The following NOTCH3 variants were observed in gnomAD, a reference collection of about 807,000 sequenced individuals.
The protein encoded by NOTCH3 is notch receptor 3.
In NOTCH3, 86 loss-of-function variants were observed where a neutral mutation model predicts 213.3. That is an observed-to-expected ratio of 0.40 (90% CI 0.34 to 0.48). The LOEUF (loss-of-function observed/expected upper bound fraction) is 0.48, where lower values mean the gene tolerates loss of function less well. Ranked by LOEUF, NOTCH3 falls within the 20% of genes least tolerant of loss-of-function variation. NOTCH3 has a pLI of 0.57. For synonymous variants in NOTCH3, 1,354 were observed against 1,355.9 expected (o/e 1.00, Z 0.03); for missense variants, 2,783 against 3,272.6 (o/e 0.85, Z 3.65).
rs2145415502 is a variant in NOTCH3 at position 15,177,971 on chromosome 19, C to A, written c.3957G>T (p.Leu1319Phe). 1 of 1,366,752 alleles carries A rather than the reference C, an allele frequency of 7.3e-7. No individual in the cohort carries two copies. The highest frequency in any genetic ancestry group is 9.4e-7 in the Non-Finnish European group (1 of 1,060,902). The allele number at this position is 1,366,752 out of a possible 1,614,324, so 84.7% of individuals were successfully genotyped here. A position where few individuals can be genotyped will look rare whatever the true frequency, so the allele number is the denominator to read the frequency against. ...RGPRCACPPG[L>F]SGPSCRSFPG... ...GGAAGCTGCGGCAGGAGGGTCCCGA[C>A]AACCCTGGGGGGCAGGCGCAGCGCG... Residue 1319 changes from leucine (L) to phenylalanine (F), a missense_variant, in exon 24 of 33, where the codon TTG becomes TTT. Physicochemically the swap from Leu to Phe is conservative, Grantham distance 22. This residue lies in a region of NOTCH3 where 133 missense variants were observed against 201.9 expected (regional missense o/e 0.66). Transcript: ENST00000263388.
Position 15,165,695 on chromosome 19 carries a change from A to T in NOTCH3, c.5667+92T>A. On this transcript the variant is annotated intron_variant, in intron 30 of 32. Transcript: ENST00000263388. The surrounding 1 kb of genome is among the most constrained non-coding windows in gnomAD (Gnocchi z 4.7). The stretch of plus-strand genomic sequence containing the variant: ...TATATCCCCATTTTCCAAATGAGAA[A>T]AAATGAGTCTGAAAGGCAGAACTGG... The T allele has an allele frequency of 6.7e-7, 1 of 1,495,560 alleles. No homozygotes were observed. Among genetic ancestry groups the T allele is most frequent in the Non-Finnish European group, 9.1e-7 (1 of 1,096,040 alleles). The allele number at this position is 1,495,560 out of a possible 1,614,324, so 92.6% of individuals were successfully genotyped here.
chr19:15,174,376 G>T lies in NOTCH3; in HGVS notation c.4428C>A (p.Ala1476=), dbSNP rs971777724. The change falls in exon 25 of 33, where the codon GCC becomes GCA. Residue 1476 remains alanine (A), a synonymous_variant. Coordinates refer to ENST00000263388, the MANE Select transcript of NOTCH3 (RefSeq NM_000435.3). ...CGCAGCGGCCGTCGGCAAAGTGGTCGGCGCAGTACTTCTCGTACACCGGGC... is the reference window on the plus strand; with the variant it reads ...CGCAGCGGCCGTCGGCAAAGTGGTCTGCGCAGTACTTCTCGTACACCGGGC... ...TCNPVYEKYC[A]DHFADGRCDQ... 8 of 1,536,506 alleles carry T rather than the reference G, an allele frequency of 5.2e-6. No individual in the cohort carries two copies. Among genetic ancestry groups the T allele is most frequent in the Non-Finnish European group, 7.0e-6 (8 of 1,137,014 alleles).
At chr19:15,162,587 C>T in intron 31 of NOTCH3, 25 bp from the exon 32 acceptor site, 1 of 1,594,900 alleles carries the variant, frequency 6.3e-7, no homozygotes, top group Non-Finnish European at 8.6e-7. Flanking sequence ...GGAGAGAGGT[C>T]AGGACCAGGC....
chr19:15,174,605 T>C (rs979400766), intron 24 of NOTCH3, among the ~76,000 whole-genome samples: 1 of 151,698 alleles, frequency 6.6e-6, no homozygotes, highest in Non-Finnish European at 1.5e-5. Context: ...GGAGTCTTGC[T>C]CTGTCGCCCA....
At chr19:15,197,333 C>T (rs1453830162) in intron 2 of NOTCH3, among the ~76,000 whole-genome samples, 167 bp downstream of exon 2, 1 of 152,194 alleles carries the variant, frequency 6.6e-6, no homozygotes, top group Non-Finnish European at 1.5e-5. Context: ...TGCAGAGCCC[C>T]TGCTCAGTTT....
At chr19:15,189,248 T>A (rs377420436) in intron 7 of NOTCH3, 25 bp downstream of exon 7, 18 of 1,613,722 alleles carry the variant, frequency 1.1e-5, no homozygotes, top group Middle Eastern at 3.3e-4. Flanking sequence ...CCCAGCCCAT[T>A]CACAGACGAT....
In NOTCH3 at chr19:15,185,361, T is replaced by G; in HGVS notation, c.2192A>C (p.Gln731Pro). ...EPGWSGPRCSQSLARDACESQ... is the reference protein window; with the variant it reads ...EPGWSGPRCSPSLARDACESQ... Reference sequence around the variant, plus strand: ...CTCACAGGCGTCTCGGGCCAGGCTCTGGCTGCAGCGGGGGCCACTCCAGCC... The same window carrying G: ...CTCACAGGCGTCTCGGGCCAGGCTCGGGCTGCAGCGGGGGCCACTCCAGCC... The change falls in exon 14 of 33, where the codon CAG becomes CCG. Residue 731 changes from glutamine (Q) to proline (P), a missense_variant. Transcript: ENST00000263388. This position sits in a 1 kb window ranked among gnomAD's most constrained non-coding sequence, Gnocchi z 4.2. 6.2e-7 allele frequency: 1 copy of G among 1,612,368 alleles called. No individual in the cohort carries two copies. The highest frequency in any genetic ancestry group is 8.5e-7 in the Non-Finnish European group (1 of 1,179,724).
At position 15,161,247 on chromosome 19, in the gene NOTCH3, A is replaced by C; in HGVS notation, c.6381T>G (p.Tyr2127Ter). 6.5e-7 allele frequency: 1 copy of C among 1,547,518 alleles called. No homozygotes were observed. Among genetic ancestry groups the C allele is most frequent in the Non-Finnish European group, 8.7e-7 (1 of 1,150,878 alleles). The change falls in exon 33 of 33, where the codon TAT (tyrosine) becomes TAG (stop). Residue 2127 changes from tyrosine (Y) to a stop codon, truncating the protein, a stop_gained. Transcript: ENST00000263388. LOFTEE classifies it low-confidence loss of function (END_TRUNC). ...ACACTGCAGTGGCAGTGGCAGCTGC[A>C]TAGGGCCCCTCAAGGGGGAAGCCAC... is the stretch of plus-strand genomic sequence containing the variant. ...SPGGFPLEGP[Y>*]AAATATAVSL...
In NOTCH3 at chr19:15,177,538, C is replaced by G; in HGVS notation, c.4390G>C (p.Glu1464Gln). 1 of 1,609,844 alleles carries G rather than the reference C, an allele frequency of 6.2e-7. No individual in the cohort carries two copies. The change falls in exon 24 of 33, where the codon GAG (glutamate) becomes CAG (glutamine). Residue 1464 changes from glutamate (E) to glutamine (Q), a missense_variant. Coordinates refer to ENST00000263388, the MANE Select transcript of NOTCH3 (RefSeq NM_000435.3). ...DNFDCHAGGR[E>Q]RTCNPVYEKY... is the part of the protein sequence containing the mutation. ...GGATGGGCTCACTTGCAAGTGCGCTCGCGGCCACCGGCGTGGCAGTCGAAG... is the reference window on the plus strand; with the variant it reads ...GGATGGGCTCACTTGCAAGTGCGCTGGCGGCCACCGGCGTGGCAGTCGAAG...
intron 19 of NOTCH3, 89 bp from the exon 20 acceptor site, chr19:15,180,345 G>A (rs2046829270): frequency 2.8e-6 from 4 of 1,416,804 alleles, no homozygotes; most frequent in Non-Finnish European, 3.9e-6. Context: ...CATCCTTGGT[G>A]GAATGAGTCC....
Position 15,179,464 on chromosome 19 carries a change from C to T in NOTCH3, c.3360G>A (p.Glu1120=), listed in dbSNP as rs749505475. Residue 1120 remains glutamate, a synonymous_variant, in exon 21 of 33, where the codon GAG becomes GAA. Transcript: ENST00000263388. The part of the protein sequence containing the change: ...CLPGYNGDNC[E]DDVDECASQP... ...GGGAGGCACACTCGTCCACGTCGTC[C>T]TCACAGTTATCACCATTGTAGCCAG... 4.3e-6 allele frequency: 7 copies of T among 1,614,128 alleles called. No individual in the cohort carries two copies. In the South Asian group the frequency reaches 6.6e-5, roughly 15 times the overall value.
At chr19:15,182,886 C>T (rs2046851788) in intron 16 of NOTCH3, among the ~76,000 whole-genome samples, 1 of 152,142 alleles carries the variant, frequency 6.6e-6, no homozygotes, top group Admixed American at 6.5e-5. Context: ...AGGTGATCCA[C>T]CTGCCTCAGC....
chr19:15,196,747 T>G (rs963239211), intron 2 of NOTCH3, among the ~76,000 whole-genome samples: 6 of 152,132 alleles, frequency 3.9e-5, no homozygotes, highest in Admixed American at 3.9e-4. Context: ...GTATGTTGAG[T>G]GCATACAGGA....
chr19:15,187,457 C>A lies in NOTCH3; in HGVS notation c.1607-119G>T, dbSNP rs552471156. ...CCCTGCCCATCAAGCTGTCAGGAGG[C>A]GAGCTCAATACAGGCCCCACCCCCC... On this transcript the variant is annotated intron_variant, in intron 10 of 32. Transcript: ENST00000263388. 1.3e-5 allele frequency: 11 copies of A among 828,118 alleles called. No individual in the cohort carries two copies. In the Admixed American group the frequency reaches 2.4e-4, roughly 18 times the overall value. 51.3% of individuals were successfully genotyped at this position (828,118 alleles called of 1,614,324 possible).
intron 17 of NOTCH3, 43 bp downstream of exon 17, chr19:15,181,533 C>T: frequency 1.3e-6 from 2 of 1,514,722 alleles, no homozygotes; most frequent in Non-Finnish European, 1.8e-6. Flanking sequence ...CAGGCCCCAT[C>T]CCAAGCCAGA....
rs889554238 is a variant in NOTCH3 at position 15,165,973 on chromosome 19, C to G, written c.5481G>C (p.Gln1827His). 2 of 1,614,102 alleles carry G rather than the reference C, an allele frequency of 1.2e-6. No individual in the cohort carries two copies. Among genetic ancestry groups the G allele is most frequent in the African/African-American group, 2.7e-5 (2 of 74,930 alleles). Residue 1827 changes from glutamine (Q) to histidine (H), a missense_variant, in exon 30 of 33, where the codon CAG becomes CAC. By Grantham distance (24) the Gln-to-His change is conservative (BLOSUM62 0). Transcript: ENST00000263388. The surrounding 1 kb of genome is among the most constrained non-coding windows in gnomAD (Gnocchi z 4.7). ...SASIISDLIC[Q>H]GAQLGARTDR... Reference sequence around the variant, plus strand: ...CAGTCCGTGCCCCAAGCTGAGCCCCCTGGCAGATCAGGTCGGAGATGATGC... The same window carrying G: ...CAGTCCGTGCCCCAAGCTGAGCCCCGTGGCAGATCAGGTCGGAGATGATGC...
intron 2 of NOTCH3, 41 bp downstream of exon 2, chr19:15,197,459 C>CCCCCA: frequency 7.9e-7 from 1 of 1,272,452 alleles, no homozygotes; most frequent in African/African-American, 1.5e-5. Context: ...CCCCCGCCCC[C>CCCCCA]ACACACAGGG....
Position 15,161,663 on chromosome 19 carries a change from T to C in NOTCH3, c.5965A>G (p.Lys1989Glu). The C allele has an allele frequency of 1.2e-6, 2 of 1,613,770 alleles. No individual in the cohort carries two copies. Among genetic ancestry groups the C allele is most frequent in the Middle Eastern group, 1.6e-4 (1 of 6,062 alleles). ...TTGGCAAAGTGGTCCAACAGCAGCT[T>C]GGCAGCCTCATAGCTGCCCTCGCGG... is the stretch of plus-strand genomic sequence containing the variant. ...AAREGSYEAAKLLLDHFANRE... is the reference protein window; with the variant it reads ...AAREGSYEAAELLLDHFANRE... The change falls in exon 33 of 33, where the codon AAG (lysine) becomes GAG (glutamate). Residue 1989 changes from lysine (K) to glutamate (E), a missense_variant. Lys to Glu is a moderately conservative substitution (Grantham distance 56). Coordinates refer to ENST00000263388, the MANE Select transcript of NOTCH3 (RefSeq NM_000435.3).
chr19:15,183,396 G>GTTTGTTTGTTTA (rs1291782899), intron 16 of NOTCH3, among the ~76,000 whole-genome samples: 1 of 151,818 alleles, frequency 6.6e-6, no homozygotes, highest in Non-Finnish European at 1.5e-5. Context: ...TTGTTTGTTT[G>GTTTGTTTGTTTA]TTTGTTTGTT....
Sources: allele counts gnomAD v4.1 joint callset (sites outside exome capture counted in the v4.1 genomes callset), GRCh38; gene constraint gnomAD v4.1.1; regional missense constraint gnomAD v4.1.1; non-coding constraint Gnocchi (gnomAD v3.1); transcripts MANE v1.5; gene names NCBI Gene and HGNC (gene_info 2026-07-23, HGNC 2026-07-21).